Variants in ANPEP observed in about 807,000 individuals in gnomAD.
The protein encoded by ANPEP is alanyl aminopeptidase, membrane, also known as aminopeptidase N.
In ANPEP, 70 loss-of-function variants were observed where a neutral mutation model predicts 114.6. The observed-to-expected ratio is 0.61, with a 90% CI of 0.50 to 0.75. ANPEP has a LOEUF of 0.75. Ranked by LOEUF, ANPEP falls within the 30% of genes least tolerant of loss-of-function variation. The probability of loss-of-function intolerance (pLI) is 0.00; values close to 1 mark genes in which losing one functional copy is unlikely to be tolerated. For missense variants in ANPEP, 1,184 were observed against 1,259.5 expected (o/e 0.94, Z 0.91); for synonymous variants, 548 against 522.3 (o/e 1.05, Z -0.67).
rs373614261 is a variant in ANPEP at position 89,806,712 on chromosome 15, T to A, written c.-129A>T. On this transcript the variant is annotated 5_prime_UTR_variant, in exon 2 of 21. Coordinates refer to ENST00000300060, the MANE Select transcript of ANPEP (RefSeq NM_001150.3). The surrounding 1 kb of genome is among the most constrained non-coding windows in gnomAD (Gnocchi z 5.7). Reference sequence around the variant, plus strand: ...AGACTGGGCAAAAATTAACCAGGGCTCCAACAGGCGAAGGTCACTGGACTG... The same window carrying A: ...AGACTGGGCAAAAATTAACCAGGGCACCAACAGGCGAAGGTCACTGGACTG... 2.9e-6 allele frequency: 4 copies of A among 1,396,336 alleles called. No individual in the cohort carries two copies. Among genetic ancestry groups the A allele is most frequent in the Admixed American group, 2.8e-5 (1 of 35,224 alleles). The allele number at this position is 1,396,336 out of a possible 1,614,324, so 86.5% of individuals were successfully genotyped here.
In ANPEP at chr15:89,799,507, G is replaced by T. The variant is rs780509148; in HGVS notation, c.1872C>A (p.Leu624=). The change falls in exon 13 of 21, where the codon CTC becomes CTA. Residue 624 remains leucine (L), a synonymous_variant. Coordinates refer to ENST00000300060, the MANE Select transcript of ANPEP (RefSeq NM_001150.3). The surrounding 1 kb of genome is among the most constrained non-coding windows in gnomAD (Gnocchi z 4.2). ...TCACCCGGTAATAGCCCGTCACATTGAGGTTCAGCAGGACCCACTCATTGC... is the reference window on the plus strand; with the variant it reads ...TCACCCGGTAATAGCCCGTCACATTTAGGTTCAGCAGGACCCACTCATTGC... ...TSGNEWVLLN[L]NVTGYYRVNY... is the part of the protein sequence containing the mutation. 2.5e-6 allele frequency: 4 copies of T among 1,614,076 alleles called. No homozygotes were observed. In the Admixed American group the frequency reaches 5.0e-5, roughly 20 times the overall value.
At chr15:89,804,950 A>G in intron 4 of ANPEP, 128 bp downstream of exon 4, 1 of 1,325,124 alleles carries the variant, frequency 7.5e-7, no homozygotes, top group Non-Finnish European at 1.1e-6. Context: ...ACTTGCCTGA[A>G]ATCACTCAGA....
At chr15:89,788,046 T>C (rs147435421) in intron 20 of ANPEP, among the ~76,000 whole-genome samples, 402 of 152,318 alleles carry the variant, frequency 2.6e-3, no homozygotes, top group African/African-American at 9.2e-3. Flanking sequence ...GAATGGACAA[T>C]GGTACAGTTG....
At position 89,803,952 on chromosome 15, in the gene ANPEP, G is replaced by A. The variant is rs746267319; in HGVS notation, c.1230C>T (p.Asn410=). Residue 410 remains asparagine, a synonymous_variant, in exon 7 of 21, where the codon AAC becomes AAT. Transcript: ENST00000300060. The surrounding 1 kb of genome is among the most constrained non-coding windows in gnomAD (Gnocchi z 4.2). The part of the protein sequence containing the change: ...TIEWWNDLWL[N]EGFASYVEYL... ...ACTCCACGTAGGAGGCGAAGCCCTC[G>A]TTCAGCCACAGGTCATTCCACCACT... 5.8e-5 allele frequency: 94 copies of A among 1,614,034 alleles called. No individual in the cohort carries two copies. The highest frequency in any genetic ancestry group is 7.1e-5 in the Non-Finnish European group (84 of 1,180,022).
rs1277282123 is a variant in ANPEP at position 89,790,560 on chromosome 15, G to A, written c.2670-19C>T. On this transcript the variant is annotated intron_variant, in intron 19 of 20. Transcript: ENST00000300060. ...ACCATAACTGCAGGGAGGGAGAGAG[G>A]TGAACTGTGAGGGAGGCCGGGAACT... is the stretch of plus-strand genomic sequence containing the variant. 1 of 1,608,258 alleles carries A rather than the reference G, an allele frequency of 6.2e-7. No homozygotes were observed. The highest frequency in any genetic ancestry group is 8.5e-7 in the Non-Finnish European group (1 of 1,174,866).
rs192828714 is a variant in ANPEP at position 89,803,865 on chromosome 15, C to A, written c.1293+24G>T. The stretch of plus-strand genomic sequence containing the variant: ...AGGTCTCCCTCCATGCCCCCCGCAC[C>A]AGACCCCTGGGCAGCTGGCTTACCA... On this transcript the variant is annotated intron_variant, in intron 7 of 20. Coordinates refer to ENST00000300060, the MANE Select transcript of ANPEP (RefSeq NM_001150.3). The surrounding 1 kb of genome is among the most constrained non-coding windows in gnomAD (Gnocchi z 4.2). 2.5e-4 allele frequency: 396 copies of A among 1,614,092 alleles called. 2 individuals carry two copies. The African/African-American group carries it at 4.6e-3, about 19-fold the overall frequency.
intron 1 of ANPEP, among the ~76,000 whole-genome samples, chr15:89,810,431 C>A (rs893275914): frequency 6.6e-6 from 1 of 151,886 alleles, no homozygotes; most frequent in Non-Finnish European, 1.5e-5. Context: ...ATTAGCTGGA[C>A]GTGGTGGCGC....
At position 89,805,153 on chromosome 15, in the gene ANPEP, C is replaced by T; in HGVS notation, c.822G>A (p.Lys274=). 6.2e-7 allele frequency: 1 copy of T among 1,614,218 alleles called. No individual in the cohort carries two copies. The highest frequency in any genetic ancestry group is 1.1e-5 in the South Asian group (1 of 91,086). Residue 274 remains lysine, a synonymous_variant, in exon 4 of 21, where the codon AAG becomes AAA. Transcript: ENST00000300060. ...TGAAGGCCAGCAAGTACGTGGACAT[C>T]TTGGGCGTGGTGTGGAACTCAGTGA... ...WNVTEFHTTP[K]MSTYLLAFIV...
At chr15:89,786,583 C>G (rs1425835831) in intron 20 of ANPEP, among the ~76,000 whole-genome samples, 2 of 151,818 alleles carry the variant, frequency 1.3e-5, no homozygotes, top group Non-Finnish European at 2.9e-5. Context: ...GTCCCAACTA[C>G]TCAGGAGGTT....
chr15:89,787,235 C>T (rs532295267), intron 20 of ANPEP, among the ~76,000 whole-genome samples: 26 of 151,944 alleles, frequency 1.7e-4, no homozygotes, highest in Middle Eastern at 3.4e-3. Context: ...TTAGTAGGGA[C>T]GGGGTTTCAC....
intron 14 of ANPEP, 107 bp from the exon 15 acceptor site, chr15:89,797,829 T>A (rs1279431014): frequency 6.9e-7 from 1 of 1,456,042 alleles, no homozygotes; most frequent in African/African-American, 1.4e-5. Flanking sequence ...CTAGGCCCCC[T>A]GTATCCACTC....
In ANPEP at chr15:89,799,276, C is replaced by T. The variant is rs374140510; in HGVS notation, c.1993G>A (p.Ala665Thr). 16 of 1,614,016 alleles carry T rather than the reference C, an allele frequency of 9.9e-6. No individual in the cohort carries two copies. Among genetic ancestry groups the T allele is most frequent in the Non-Finnish European group, 1.4e-5 (16 of 1,180,032 alleles). ...AGCACTCACCTGGCCAGGTTGAAGGCGTCATTAATGATCTGTGCCCGATTG... is the reference window on the plus strand; with the variant it reads ...AGCACTCACCTGGCCAGGTTGAAGGTGTCATTAATGATCTGTGCCCGATTG... The part of the protein sequence containing the change: ...VINRAQIIND[A>T]FNLASAHKVP... The change falls in exon 14 of 21, where the codon GCC becomes ACC. Residue 665 changes from alanine (A) to threonine (T), a missense_variant. Ala to Thr is a moderately conservative substitution (Grantham distance 58). Transcript: ENST00000300060. The surrounding 1 kb of genome is among the most constrained non-coding windows in gnomAD (Gnocchi z 4.2).
chr15:89,789,713 C>T (rs1968578802), intron 20 of ANPEP, among the ~76,000 whole-genome samples: 1 of 148,888 alleles, frequency 6.7e-6, no homozygotes, highest in Admixed American at 6.7e-5. Flanking sequence ...GCAGAGGTTG[C>T]AGTGAGCCGA....
intron 18 of ANPEP, among the ~76,000 whole-genome samples, chr15:89,791,599 A>AT (rs10596905): frequency 0.021 from 2,792 of 135,226 alleles, 58 homozygotes; most frequent in African/African-American, 0.051. Flanking sequence ...CACCATGCCT[A>AT]TTTTTTTTTT....
intron 20 of ANPEP, among the ~76,000 whole-genome samples, chr15:89,786,037 T>C (rs1968501117): frequency 6.6e-6 from 1 of 152,180 alleles, no homozygotes; most frequent in African/African-American, 2.4e-5. Flanking sequence ...AAAAAATCTA[T>C]TAGAACTAAT....
At chr15:89,794,834 A>G (rs1393786501) in intron 15 of ANPEP, among the ~76,000 whole-genome samples, 1 of 152,182 alleles carries the variant, frequency 6.6e-6, no homozygotes, top group Non-Finnish European at 1.5e-5. Flanking sequence ...TGCACAATAC[A>G]GAGGCTTACT....
rs1326525582 is a variant in ANPEP, at chr15:89,790,463, C to T, written c.2748G>A (p.Gln916=). 1.2e-6 allele frequency: 2 copies of T among 1,613,732 alleles called. No individual in the cohort carries two copies. The highest frequency in any genetic ancestry group is 1.1e-5 in the South Asian group (1 of 91,076). ...TRRFSTEYEL[Q]QLEQFKKDNE... is the part of the protein sequence containing the mutation. ...GGTCTGGGGAATGACTTCTTACCTG[C>T]TGCAGCTCATACTCGGTGGAGAATC... Residue 916 remains glutamine, a synonymous_variant, in exon 20 of 21, where the codon CAG becomes CAA. Transcript: ENST00000300060.
At chr15:89,808,114 G>A (rs149650256) in intron 1 of ANPEP, among the ~76,000 whole-genome samples, 6 of 152,226 alleles carry the variant, frequency 3.9e-5, no homozygotes, top group African/African-American at 7.2e-5. Flanking sequence ...CCACAAGCCC[G>A]GGTACAGTCA....
Position 89,793,131 on chromosome 15 carries a change from GGAAAA to G in ANPEP, c.2158-10_2158-6del. The G allele has an allele frequency of 6.2e-7, 1 of 1,611,988 alleles. No individual in the cohort carries two copies. Among genetic ancestry groups the G allele is most frequent in the Non-Finnish European group, 8.5e-7 (1 of 1,178,152 alleles). On this transcript the variant is annotated splice_region_variant and splice_polypyrimidine_tract_variant and intron_variant, in intron 15 of 20. Transcript: ENST00000300060. ...GACCTGCTTCTTCAGGTAGTTCTGG[GGAAAA>G]GAAAATATGAATCTCATCAAAGACT...
Sources: allele counts gnomAD v4.1 joint callset (sites outside exome capture counted in the v4.1 genomes callset), GRCh38; gene constraint gnomAD v4.1.1; non-coding constraint Gnocchi (gnomAD v3.1); transcripts MANE v1.5; gene names NCBI Gene and HGNC (gene_info 2026-07-23, HGNC 2026-07-21).